The following THSD7B variants were observed in gnomAD, a reference collection of about 807,000 sequenced individuals.
THSD7B encodes the protein thrombospondin type-1 domain-containing protein 7B.
A neutral mutation model predicts 213.6 loss-of-function variants in THSD7B; 138 were observed. The ratio of observed to expected loss-of-function variants is 0.65; its 90% CI spans 0.56 to 0.74. THSD7B has a LOEUF of 0.74. THSD7B is among the 30% of genes least tolerant of loss of function. THSD7B has a pLI of 0.00. For synonymous variants in THSD7B, 742 were observed against 687.0 expected (o/e 1.08, Z -1.25); for missense variants, 1,931 against 1,991.5 (o/e 0.97, Z 0.58).
At chr2:136,830,722 C>T (rs1324359669) in intron 1 of THSD7B, among the ~76,000 whole-genome samples, 2 of 152,130 alleles carry the variant, frequency 1.3e-5, no homozygotes, top group African/African-American at 4.8e-5. Flanking sequence ...TGGGTATCAG[C>T]CTATTTTTCA....
chr2:137,163,637 T>A (rs1011412297), intron 6 of THSD7B, among the ~76,000 whole-genome samples: 1 of 152,236 alleles, frequency 6.6e-6, no homozygotes, highest in Non-Finnish European at 1.5e-5. Flanking sequence ...ATGGCCCTGC[T>A]GACACCTTGA....
Position 137,473,662 on chromosome 2 carries a change from A to G in THSD7B, c.3138+22639A>G, listed in dbSNP as rs148891345. Among the ~76,000 whole-genome samples, 718 of 152,322 alleles carry G rather than the reference A, an allele frequency of 4.7e-3. 3 individuals carry two copies. The highest frequency in any genetic ancestry group is 0.016 in the African/African-American group (683 of 41,568). Reference sequence around the variant, plus strand: ...GATTGGGAGTGCAGTGGTTAAGAATACAATGACTACTAGTACAGTTCTGTG... The same window carrying G: ...GATTGGGAGTGCAGTGGTTAAGAATGCAATGACTACTAGTACAGTTCTGTG... On this transcript the variant is annotated intron_variant, in intron 15 of 27. Transcript: ENST00000409968.
intron 17 of THSD7B, among the ~76,000 whole-genome samples, chr2:137,581,759 CA>C (rs1205000745): frequency 2.0e-4 from 21 of 102,524 alleles, no homozygotes; most frequent in Middle Eastern, 5.4e-3. Context: ...GACTCCGTCT[CA>C]AAAAAAAAAA....
chr2:136,821,249 T>C (rs1052626328), intron 1 of THSD7B, among the ~76,000 whole-genome samples: 40 of 152,286 alleles, frequency 2.6e-4, no homozygotes, highest in African/African-American at 8.9e-4. Flanking sequence ...TAAGCTTCCA[T>C]ATCCAATGTA....
At position 137,389,197 on chromosome 2, in the gene THSD7B, T is replaced by TATATAC. The variant is rs1229350229; in HGVS notation, c.2501-16411_2501-16410insCATATA. 6.2e-5 allele frequency among the ~76,000 whole-genome samples: 9 copies of TATATAC among 144,256 alleles called. 1 individual carries two copies. The highest frequency in any genetic ancestry group is 9.1e-5 in the Non-Finnish European group (6 of 66,230). The allele number at this position is 144,256 out of a possible 152,430, so 94.6% of individuals were successfully genotyped here. A position where few individuals can be genotyped will look rare whatever the true frequency, so the allele number is the denominator to read the frequency against. On this transcript the variant is annotated intron_variant, in intron 12 of 27. Coordinates refer to ENST00000409968, the MANE Select transcript of THSD7B (RefSeq NM_001316349.2). The stretch of plus-strand genomic sequence containing the variant: ...CCAGTCTCACCATATATCTGTCATA[T>TATATAC]ATATATATATATATATATATGACAA...
At chr2:137,303,639 T>A (rs1683660764) in intron 12 of THSD7B, among the ~76,000 whole-genome samples, 1 of 145,288 alleles carries the variant, frequency 6.9e-6, no homozygotes, top group Admixed American at 6.9e-5. Flanking sequence ...TTTACAGACA[T>A]ATATAAACAC....
chr2:137,256,998 C>T (rs1216164786), intron 10 of THSD7B, among the ~76,000 whole-genome samples: 1 of 152,116 alleles, frequency 6.6e-6, no homozygotes, highest in Non-Finnish European at 1.5e-5. Context: ...CCCAAGGTGG[C>T]ACAGGGCATC....
chr2:137,142,749 A>C (rs186824803), intron 5 of THSD7B, among the ~76,000 whole-genome samples: 1 of 152,186 alleles, frequency 6.6e-6, no homozygotes. Context: ...CTTCTAACTT[A>C]AATATTTAGA....
chr2:136,797,950 A>G (rs1317501846), intron 1 of THSD7B, among the ~76,000 whole-genome samples: 2 of 151,992 alleles, frequency 1.3e-5, no homozygotes, highest in African/African-American at 2.4e-5. Context: ...GGTGATTTAT[A>G]TATGAGACAA....
chr2:136,765,910 T>A (rs1220904703), intron 1 of THSD7B, among the ~76,000 whole-genome samples: 1 of 152,208 alleles, frequency 6.6e-6, no homozygotes, highest in African/African-American at 2.4e-5. Context: ...AAGCGTGGGC[T>A]GCCCGGGGCG....
At chr2:137,099,264 T>C (rs1558920197) in intron 4 of THSD7B, among the ~76,000 whole-genome samples, 1 of 152,306 alleles carries the variant, frequency 6.6e-6, no homozygotes, top group East Asian at 1.9e-4. Context: ...TCATTTAGGA[T>C]ACCTTGGCAC....
At chr2:137,020,781 C>T (rs79219327) in intron 2 of THSD7B, among the ~76,000 whole-genome samples, 401 of 152,246 alleles carry the variant, frequency 2.6e-3, no homozygotes, top group African/African-American at 9.1e-3. Flanking sequence ...AGCAGGGCAT[C>T]GACTTTTTTG....
chr2:137,394,956 C>T (rs1489317807), intron 12 of THSD7B, among the ~76,000 whole-genome samples: 2 of 147,404 alleles, frequency 1.4e-5, no homozygotes, highest in Admixed American at 6.7e-5. Context: ...TGATTTGGCT[C>T]TCTGTTTGTC....
At chr2:136,919,685 T>C (rs760483750) in intron 2 of THSD7B, among the ~76,000 whole-genome samples, 4 of 152,218 alleles carry the variant, frequency 2.6e-5, no homozygotes, top group Non-Finnish European at 5.9e-5. Context: ...TTGGGCCTAC[T>C]GGGCTTGTTC....
In THSD7B at chr2:137,667,756, T is replaced by C. The variant is rs1346603335; in HGVS notation, c.4652-18T>C. ...CTTCTGTATGCTAAGCTTCTTATGT[T>C]ATCTCTATTTTAAACAGATGGCCGA... is the stretch of plus-strand genomic sequence containing the variant. On this transcript the variant is annotated intron_variant, in intron 26 of 27. Transcript: ENST00000409968. 5 of 1,586,890 alleles carry C rather than the reference T, an allele frequency of 3.2e-6. No homozygotes were observed. The highest frequency in any genetic ancestry group is 4.3e-6 in the Non-Finnish European group (5 of 1,164,326).
chr2:137,328,341 G>T (rs534804870), intron 12 of THSD7B, among the ~76,000 whole-genome samples: 1 of 152,110 alleles, frequency 6.6e-6, no homozygotes, highest in African/African-American at 2.4e-5. Flanking sequence ...ACAGATTTTT[G>T]AATGTCCTCT....
intron 2 of THSD7B, among the ~76,000 whole-genome samples, chr2:137,055,763 G>T (rs559483557): frequency 1.3e-5 from 2 of 152,284 alleles, no homozygotes; most frequent in South Asian, 2.1e-4. Flanking sequence ...CAGTGCTGCT[G>T]CTTCTCTTAT....
intron 17 of THSD7B, among the ~76,000 whole-genome samples, chr2:137,611,393 A>C (rs1321165648): frequency 6.6e-6 from 1 of 152,116 alleles, no homozygotes; most frequent in Non-Finnish European, 1.5e-5. Flanking sequence ...ATGATTAAAA[A>C]CATGTACTCA....
chr2:136,798,396 C>T lies in THSD7B; in HGVS notation c.-36+32709C>T, dbSNP rs555706875. Among the ~76,000 whole-genome samples the T allele has an allele frequency of 9.2e-5, 14 of 151,894 alleles. No homozygotes were observed. In the South Asian group the frequency reaches 2.1e-3, roughly 23 times the overall value. On this transcript the variant is annotated intron_variant, in intron 1 of 27. Transcript: ENST00000409968. ...TTATAGAGTTACAGATTGCTTTAGG[C>T]ATCATAGATTGGATTTTGAAGGGAG...
Sources: allele counts gnomAD v4.1 joint callset (sites outside exome capture counted in the v4.1 genomes callset), GRCh38; gene constraint gnomAD v4.1.1; transcripts MANE v1.5; gene names NCBI Gene and HGNC (gene_info 2026-07-23, HGNC 2026-07-21).